TCEA1: variants seen among roughly 807,000 people sequenced by gnomAD.
The protein encoded by TCEA1 is transcription elongation factor A1.
In TCEA1, 21 loss-of-function variants were observed where a neutral mutation model predicts 43.8. The ratio of observed to expected loss-of-function variants is 0.48; its 90% CI spans 0.34 to 0.69. TCEA1 has a LOEUF of 0.69. TCEA1 is among the 30% of genes least tolerant of loss of function. The pLI, the probability that TCEA1 is intolerant of heterozygous loss-of-function variation, is 0.01. For missense variants in TCEA1, 250 were observed against 365.1 expected, an observed-to-expected ratio of 0.68 and a Z score of 2.57; for synonymous variants, 104 against 117.5, an observed-to-expected ratio of 0.88 and a Z score of 0.75.
chr8:53,972,104 G>T, intron 8 of TCEA1: 1 of 266,432 alleles, frequency 3.8e-6, no homozygotes, highest in Admixed American at 5.0e-5. Flanking sequence ...GAAGAGAAAT[G>T]CAACCAGTGG....
intron 3 of TCEA1, among the ~76,000 whole-genome samples, chr8:53,996,701 T>C (rs1186889974): frequency 1.4e-5 from 2 of 143,344 alleles, no homozygotes; most frequent in African/African-American, 6.0e-5. Context: ...ATAAAAATAA[T>C]AGTTATGATA....
chr8:53,990,797 GTCCCACT>G (rs1299595693), intron 4 of TCEA1, among the ~76,000 whole-genome samples: 1 of 152,160 alleles, frequency 6.6e-6, no homozygotes, highest in African/African-American at 2.4e-5. Flanking sequence ...ACTACTGCTG[GTCCCACT>G]TCCTACATTC....
chr8:53,984,826 G>A (rs899448160), intron 6 of TCEA1, among the ~76,000 whole-genome samples: 18 of 151,804 alleles, frequency 1.2e-4, no homozygotes, highest in Non-Finnish European at 2.2e-4. Context: ...AGGTTGCAGC[G>A]AGCTGAGATC....
intron 8 of TCEA1, chr8:53,972,933 T>C: frequency 4.5e-6 from 3 of 665,790 alleles, no homozygotes; most frequent in South Asian, 2.8e-5. Context: ...TTTAACAGCA[T>C]ATAAACTAAA....
At chr8:53,968,137 G>C in intron 9 of TCEA1, 25 bp from the exon 10 acceptor site, 5 of 1,511,890 alleles carry the variant, frequency 3.3e-6, no homozygotes, top group Non-Finnish European at 4.5e-6. Flanking sequence ...AAAATATTTT[G>C]TAAGACCTTT....
At chr8:54,003,823 G>C (rs978409733) in intron 2 of TCEA1, among the ~76,000 whole-genome samples, 4 of 151,632 alleles carry the variant, frequency 2.6e-5, no homozygotes, top group Non-Finnish European at 4.4e-5. Context: ...GTGCTTCAAT[G>C]AACACCATCG....
At chr8:53,988,466 C>CT (rs1020069257) in intron 4 of TCEA1, among the ~76,000 whole-genome samples, 5 of 151,694 alleles carry the variant, frequency 3.3e-5, no homozygotes, top group African/African-American at 7.3e-5. Flanking sequence ...ACAAGTATGC[C>CT]TTTTTTTTGA....
intron 9 of TCEA1, among the ~76,000 whole-genome samples, chr8:53,968,884 A>G (rs1803070121): frequency 6.6e-6 from 1 of 152,248 alleles, no homozygotes; most frequent in African/African-American, 2.4e-5. Flanking sequence ...TCCCTCTCCT[A>G]GACCAATGAC....
intron 3 of TCEA1, among the ~76,000 whole-genome samples, chr8:53,997,625 C>T (rs879827719): frequency 1.3e-5 from 2 of 152,186 alleles, no homozygotes; most frequent in African/African-American, 2.4e-5. Flanking sequence ...GGGCCAAGCG[C>T]GATGGCTCAC....
rs1170197475 is a variant in TCEA1, at chr8:53,984,282, T to C, written c.678+81A>G. On this transcript the variant is annotated intron_variant, in intron 7 of 9. Transcript: ENST00000521604. ...ATTTATTACATATGCAATATTTATA[T>C]AGTAGTCTATGATGATAATAGGCTT... 4.1e-5 allele frequency: 52 copies of C among 1,274,252 alleles called. No individual in the cohort carries two copies. The East Asian group carries it at 1.2e-3, about 29-fold the overall frequency. 78.9% of individuals were successfully genotyped at this position (1,274,252 alleles called of 1,614,324 possible).
intron 7 of TCEA1, among the ~76,000 whole-genome samples, chr8:53,984,028 A>T (rs1803606610): frequency 6.6e-6 from 1 of 152,210 alleles, no homozygotes; most frequent in South Asian, 2.1e-4. Flanking sequence ...TGAACCCAGG[A>T]GGGGGAGGTT....
intron 4 of TCEA1, among the ~76,000 whole-genome samples, chr8:53,990,536 T>A (rs1803844604): frequency 1.3e-5 from 2 of 151,976 alleles, no homozygotes; most frequent in South Asian, 4.1e-4. Flanking sequence ...TAATGCTTTT[T>A]ATTACTTGTA....
In TCEA1 at chr8:53,968,085, T is replaced by C; in HGVS notation, c.*19A>G. ...ATCCGTTTTCTTAATGGTCCAGATA[T>C]TTTGCCAATTCTTCCAACTCAACAG... On this transcript the variant is annotated 3_prime_UTR_variant, in exon 10 of 10. Coordinates refer to ENST00000521604, the MANE Select transcript of TCEA1 (RefSeq NM_006756.4). The C allele has an allele frequency of 6.6e-7, 1 of 1,526,352 alleles. No homozygotes were observed. The allele number at this position is 1,526,352 out of a possible 1,614,324, so 94.6% of individuals were successfully genotyped here. A position where few individuals can be genotyped will look rare whatever the true frequency, so the allele number is the denominator to read the frequency against.
Position 53,992,674 on chromosome 8 carries a change from G to A in TCEA1, c.320+994C>T, listed in dbSNP as rs1803917803. On this transcript the variant is annotated intron_variant, in intron 4 of 9. Transcript: ENST00000521604. ...ATTCAGTAGTTACAGGACGAAGTCTGAGAATCTGTATTTCTAACAAGCTGT... is the reference window on the plus strand; with the variant it reads ...ATTCAGTAGTTACAGGACGAAGTCTAAGAATCTGTATTTCTAACAAGCTGT... Among the ~76,000 whole-genome samples the A allele has an allele frequency of 2.0e-5, 3 of 152,178 alleles. No homozygotes were observed. The South Asian group carries it at 6.2e-4, about 31-fold the overall frequency.
intron 8 of TCEA1, chr8:53,971,807 C>A: frequency 4.4e-6 from 1 of 228,208 alleles, no homozygotes. Flanking sequence ...TCAAAAAAAT[C>A]TAGTTGAGAA....
intron 2 of TCEA1, among the ~76,000 whole-genome samples, chr8:54,007,008 T>C (rs1276980425): frequency 6.6e-6 from 1 of 152,008 alleles, no homozygotes; most frequent in East Asian, 1.9e-4. Flanking sequence ...GCCCAGCTAA[T>C]TTTTTTGTAT....
intron 4 of TCEA1, among the ~76,000 whole-genome samples, chr8:53,990,675 T>C (rs1021230398): frequency 6.6e-5 from 10 of 152,118 alleles, no homozygotes; most frequent in Non-Finnish European, 1.5e-5. Flanking sequence ...AAAACCCAGT[T>C]CTTAAACACT....
chr8:53,974,684 C>G (rs1029344677), intron 8 of TCEA1, among the ~76,000 whole-genome samples: 6 of 152,106 alleles, frequency 3.9e-5, no homozygotes, highest in Admixed American at 3.9e-4. Context: ...AGCGCCAACA[C>G]GCCTGCCTAA....
Position 53,984,358 on chromosome 8 carries a change from C to T in TCEA1, c.678+5G>A. On this transcript the variant is annotated splice_donor_5th_base_variant and intron_variant, in intron 7 of 9. Coordinates refer to ENST00000521604, the MANE Select transcript of TCEA1 (RefSeq NM_006756.4). ...TATAGAAACCTCAGATTCACACATA[C>T]TCACCTCTGCTGTCATTCTAGCAAA... The T allele has an allele frequency of 6.3e-7, 1 of 1,595,328 alleles. No individual in the cohort carries two copies. The highest frequency in any genetic ancestry group is 8.5e-7 in the Non-Finnish European group (1 of 1,172,998).
Sources: allele counts gnomAD v4.1 joint callset (sites outside exome capture counted in the v4.1 genomes callset), GRCh38; gene constraint gnomAD v4.1.1; transcripts MANE v1.5; gene names NCBI Gene and HGNC (gene_info 2026-07-23, HGNC 2026-07-21).